TTF1: variants seen among roughly 807,000 people sequenced by gnomAD.
TTF1 encodes the protein transcription termination factor 1, also known as transcription termination factor, RNA polymerase I.
Under a neutral mutation model 80.2 loss-of-function variants are expected in TTF1, and 64 were observed. The ratio of observed to expected loss-of-function variants is 0.80; its 90% CI spans 0.65 to 0.98. The LOEUF (loss-of-function observed/expected upper bound fraction) is 0.98, where lower values mean the gene tolerates loss of function less well. TTF1 is among the 50% of genes least tolerant of loss of function. The pLI, the probability that TTF1 is intolerant of heterozygous loss-of-function variation, is 0.00. For synonymous variants in TTF1, 372 were observed against 382.7 expected, an observed-to-expected ratio of 0.97 and a Z score of 0.33; for missense variants, 1,023 against 1,086.2, an observed-to-expected ratio of 0.94 and a Z score of 0.82.
intron 7 of TTF1, 25 bp downstream of exon 7, chr9:132,390,570 CAG>C: frequency 1.2e-6 from 2 of 1,604,808 alleles, no homozygotes; most frequent in Non-Finnish European, 8.5e-7. Flanking sequence ...GCTGGAGAGA[CAG>C]AGAAAGAGAG....
At chr9:132,386,497 T>C in intron 9 of TTF1, 59 bp downstream of exon 9, 5 of 1,305,538 alleles carry the variant, frequency 3.8e-6, no homozygotes, top group South Asian at 1.3e-5. Context: ...AGGGAGTTAT[T>C]GTATTTATTA....
chr9:132,380,209 A>G (rs1389715302), intron 9 of TTF1, among the ~76,000 whole-genome samples: 1 of 152,056 alleles, frequency 6.6e-6, no homozygotes, highest in Non-Finnish European at 1.5e-5. Flanking sequence ...AGCTGGGATT[A>G]CAGGTGCCCA....
rs1849546930 is a variant in TTF1, at chr9:132,390,797, G to A, written c.2022C>T (p.Thr674=). The A allele has an allele frequency of 6.2e-7, 1 of 1,613,992 alleles. No homozygotes were observed. Among genetic ancestry groups the A allele is most frequent in the Non-Finnish European group, 8.5e-7 (1 of 1,180,016 alleles). The change falls in exon 7 of 11, where the codon ACC becomes ACT. Residue 674 remains threonine, a synonymous_variant. Coordinates refer to ENST00000334270, the MANE Select transcript of TTF1 (RefSeq NM_007344.4). ...CTTCGACAGCCTTGATTAGTTTCCGGGTTTCAGACTTACTCCAAGCACCAC... is the reference window on the plus strand; with the variant it reads ...CTTCGACAGCCTTGATTAGTTTCCGAGTTTCAGACTTACTCCAAGCACCAC... ...RNRGAWSKSE[T]RKLIKAVEEV...
At chr9:132,388,361 G>C in intron 7 of TTF1, 133 bp from the exon 8 acceptor site, 1 of 537,774 alleles carries the variant, frequency 1.9e-6, no homozygotes, top group Non-Finnish European at 3.2e-6. Context: ...TTTTGAGACG[G>C]GGTCTCACTT....
intron 9 of TTF1, among the ~76,000 whole-genome samples, chr9:132,381,896 A>T (rs945684301): frequency 6.6e-6 from 1 of 152,208 alleles, no homozygotes; most frequent in South Asian, 2.1e-4. Flanking sequence ...CTAATGGACC[A>T]ATGGCGACCT....
chr9:132,405,073 G>A (rs1341461670), intron 1 of TTF1, among the ~76,000 whole-genome samples: 6 of 152,130 alleles, frequency 3.9e-5, no homozygotes, highest in African/African-American at 1.2e-4. Context: ...TTTTTTAGTA[G>A]AGACGGAGTT....
chr9:132,379,242 GT>G (rs1013314938), intron 9 of TTF1, 98 bp from the exon 10 acceptor site: 94 of 831,158 alleles, frequency 1.1e-4, no homozygotes, highest in African/African-American at 2.8e-4. Context: ...GAGGTTTATA[GT>G]TTTTTTTATC....
chr9:132,401,141 C>A (rs1849754337), intron 2 of TTF1, among the ~76,000 whole-genome samples: 2 of 152,030 alleles, frequency 1.3e-5, no homozygotes, highest in African/African-American at 2.4e-5. Context: ...ACCAGCCTGA[C>A]TAACAAGGAC....
At chr9:132,391,433 C>T (rs3780818) in intron 6 of TTF1, among the ~76,000 whole-genome samples, 11,836 of 151,564 alleles carry the variant, frequency 0.078, 619 homozygotes, top group East Asian at 0.29. Flanking sequence ...ATTTTCCCCT[C>T]AATAACAATT....
rs1052815324 is a variant in TTF1, at chr9:132,388,207, C to T, written c.2244G>A (p.Arg748=). The change falls in exon 8 of 11, where the codon AGG becomes AGA. Residue 748 remains arginine, a synonymous_variant. Coordinates refer to ENST00000334270, the MANE Select transcript of TTF1 (RefSeq NM_007344.4). ...KSKWTEILTK[R]MTNGRRIYYG... ...AGTAGATACGCCGACCATTAGTCAT[C>T]CTCTTGGTTAGAATTTCTGTCCTAC... The T allele has an allele frequency of 9.9e-6, 16 of 1,610,080 alleles. No homozygotes were observed. Among genetic ancestry groups the T allele is most frequent in the Non-Finnish European group, 8.5e-7 (1 of 1,177,648 alleles).
At chr9:132,406,766 A>G (rs1056360337) in intron 1 of TTF1, 24 bp downstream of exon 1, 7 of 152,124 alleles carry the variant, frequency 4.6e-5, no homozygotes, top group African/African-American at 1.7e-4. Flanking sequence ...AAAAACAGAA[A>G]CAACAAAGGC....
intron 1 of TTF1, 36 bp from the exon 2 acceptor site, chr9:132,402,864 C>CTT: frequency 6.6e-7 from 1 of 1,516,378 alleles, no homozygotes; most frequent in South Asian, 1.3e-5. Flanking sequence ...TTTATTTTTG[C>CTT]TTTTTTTTTG....
chr9:132,395,895 G>A (rs963157477), intron 5 of TTF1, among the ~76,000 whole-genome samples: 3 of 152,172 alleles, frequency 2.0e-5, no homozygotes, highest in Non-Finnish European at 4.4e-5. Context: ...CGTTTGGTTT[G>A]TTTTTAAATG....
chr9:132,386,672 C>T (rs916445393), intron 8 of TTF1, 51 bp from the exon 9 acceptor site: 2 of 1,471,410 alleles, frequency 1.4e-6, no homozygotes, highest in South Asian at 1.1e-5. Flanking sequence ...ATCATGATAG[C>T]CATCTTCATG....
At chr9:132,380,227 G>A (rs899557490) in intron 9 of TTF1, among the ~76,000 whole-genome samples, 6 of 152,066 alleles carry the variant, frequency 3.9e-5, no homozygotes, top group South Asian at 2.1e-4. Flanking sequence ...CCACCACCAC[G>A]CCCAGCTAAA....
chr9:132,399,419 A>T (rs1006659984), intron 3 of TTF1, among the ~76,000 whole-genome samples: 13 of 151,982 alleles, frequency 8.6e-5, no homozygotes, highest in Non-Finnish European at 4.4e-5. Flanking sequence ...TTTTTCAATG[A>T]CCAGTTGTAT....
intron 8 of TTF1, among the ~76,000 whole-genome samples, chr9:132,387,603 G>C (rs916937378): frequency 6.6e-6 from 1 of 152,156 alleles, no homozygotes; most frequent in Admixed American, 6.6e-5. Context: ...GCTCTTTCCT[G>C]TTCCTCAGTC....
intron 8 of TTF1, among the ~76,000 whole-genome samples, chr9:132,387,124 AT>A (rs1334460713): frequency 6.6e-6 from 1 of 152,064 alleles, no homozygotes; most frequent in African/African-American, 2.4e-5. Flanking sequence ...TGCCCGGCTA[AT>A]TTTTTAGATT....
At chr9:132,393,109 C>G (rs148830343) in intron 5 of TTF1, among the ~76,000 whole-genome samples, 1 of 152,158 alleles carries the variant, frequency 6.6e-6, no homozygotes, top group Non-Finnish European at 1.5e-5. Context: ...GAGATCTTGT[C>G]GGTTTCGTAT....
Sources: allele counts gnomAD v4.1 joint callset (sites outside exome capture counted in the v4.1 genomes callset), GRCh38; gene constraint gnomAD v4.1.1; transcripts MANE v1.5; gene names NCBI Gene and HGNC (gene_info 2026-07-23, HGNC 2026-07-21).